PRDM16: variants seen among roughly 807,000 people sequenced by gnomAD.
PRDM16 encodes the protein PR/SET domain 16.
PRDM16 carries 23 observed loss-of-function variants against 110.6 expected under a neutral mutation model. The observed-to-expected ratio is 0.21, with a 90% CI of 0.15 to 0.29. PRDM16 has a LOEUF of 0.29. Among genes scored for constraint, PRDM16 ranks in the 10% least tolerant of loss-of-function variants. PRDM16 has a pLI of 1.00. For synonymous variants in PRDM16, 799 were observed against 781.8 expected (o/e 1.02, Z -0.37); for missense variants, 1,615 against 1,794.3 (o/e 0.90, Z 1.81).
intron 1 of PRDM16, among the ~76,000 whole-genome samples, chr1:3,070,916 G>C (rs1426914412): frequency 2.6e-5 from 4 of 152,224 alleles, no homozygotes; most frequent in East Asian, 1.9e-4. Context: ...CCTCGGCCTC[G>C]GCCTCCCGTG....
chr1:3,235,179 GCT>G lies in PRDM16; in HGVS notation c.388-8905_388-8904del, dbSNP rs752674735. ...GGCCGCCCAGCCGCTCCAGGCCTTGGCTCTTTCATCTTCTAGAACCCAGGCCC... is the reference window on the plus strand; with the variant it reads ...GGCCGCCCAGCCGCTCCAGGCCTTGGCTTTCATCTTCTAGAACCCAGGCCC... On this transcript the variant is annotated intron_variant, in intron 2 of 16. Coordinates refer to ENST00000270722, the MANE Select transcript of PRDM16 (RefSeq NM_022114.4). 4.8e-4 allele frequency among the ~76,000 whole-genome samples: 73 copies of G among 152,346 alleles called. 1 individual carries two copies. The highest frequency in any genetic ancestry group is 1.4e-3 in the African/African-American group (58 of 41,576).
intron 1 of PRDM16, among the ~76,000 whole-genome samples, chr1:3,109,346 A>C (rs1010581309): frequency 1.3e-5 from 2 of 152,058 alleles, no homozygotes; most frequent in Admixed American, 6.6e-5. Context: ...TGATTACTTT[A>C]CCATTCACCA....
At chr1:3,248,334 C>G (rs1395726718) in intron 3 of PRDM16, among the ~76,000 whole-genome samples, 1 of 152,164 alleles carries the variant, frequency 6.6e-6, no homozygotes, top group Non-Finnish European at 1.5e-5. Context: ...TTTCCTTCCC[C>G]CTCTTGAAAA....
chr1:3,096,210 CCTT>C (rs1319052426), intron 1 of PRDM16, among the ~76,000 whole-genome samples: 2 of 152,158 alleles, frequency 1.3e-5, no homozygotes, highest in Non-Finnish European at 2.9e-5. Flanking sequence ...TCCTCTTCCT[CCTT>C]ATCTGCCTTC....
chr1:3,414,137 G>A (rs559220633), intron 9 of PRDM16, among the ~76,000 whole-genome samples: 5 of 152,338 alleles, frequency 3.3e-5, no homozygotes, highest in African/African-American at 1.2e-4. Flanking sequence ...CTTCAGAGTG[G>A]TCCCCACTCA....
Position 3,157,151 on chromosome 1 carries a change from G to A in PRDM16, c.38-28974G>A, listed in dbSNP as rs748602334. ...AGCACCTGCCGGGCTCAGCCTGGGC[G>A]GCTCAGAGGGCGGGACCTGGAGAAG... On this transcript the variant is annotated intron_variant, in intron 1 of 16. Transcript: ENST00000270722. This position sits in a 1 kb window ranked among gnomAD's most constrained non-coding sequence, Gnocchi z 4.8. Among the ~76,000 whole-genome samples the A allele has an allele frequency of 1.3e-5, 2 of 152,178 alleles. No individual in the cohort carries two copies. The highest frequency in any genetic ancestry group is 4.8e-5 in the African/African-American group (2 of 41,450).
At chr1:3,323,626 A>T (rs1369873259) in intron 3 of PRDM16, among the ~76,000 whole-genome samples, 1 of 152,182 alleles carries the variant, frequency 6.6e-6, no homozygotes, top group Admixed American at 6.5e-5. Flanking sequence ...CCCGCCTGGA[A>T]ACCCACGTGT....
intron 3 of PRDM16, among the ~76,000 whole-genome samples, chr1:3,279,479 G>A (rs759574776): frequency 6.6e-6 from 1 of 152,250 alleles, no homozygotes; most frequent in East Asian, 1.9e-4. Flanking sequence ...AGTCTGGGAC[G>A]CCCTGCACGC....
chr1:3,211,830 T>A (rs1312701832), intron 2 of PRDM16, among the ~76,000 whole-genome samples: 1 of 152,204 alleles, frequency 6.6e-6, no homozygotes, highest in African/African-American at 2.4e-5. Flanking sequence ...TGCGTGTGCG[T>A]GCGCGTGCAT....
rs1473989625 is a variant in PRDM16, at chr1:3,437,488, A to T, written c.*3677A>T. 4.3e-6 allele frequency: 1 copy of T among 230,184 alleles called. No homozygotes were observed. Among genetic ancestry groups the T allele is most frequent in the Non-Finnish European group, 8.6e-6 (1 of 116,284 alleles). 14.3% of individuals were successfully genotyped at this position (230,184 alleles called of 1,614,324 possible). ...ACTGTGCTGTCCTAGGGGGAGGGAG[A>T]GCAGAGCTCGCCCCTGCACTGCAGC... On this transcript the variant is annotated 3_prime_UTR_variant, in exon 17 of 17. Transcript: ENST00000270722.
At chr1:3,238,659 C>T (rs542177164) in intron 2 of PRDM16, among the ~76,000 whole-genome samples, 2 of 152,212 alleles carry the variant, frequency 1.3e-5, no homozygotes, top group Admixed American at 6.5e-5. Flanking sequence ...GAGCTGCCAA[C>T]GGGAAGCCGC....
At chr1:3,264,371 C>A (rs1166632996) in intron 3 of PRDM16, among the ~76,000 whole-genome samples, 1 of 149,846 alleles carries the variant, frequency 6.7e-6, no homozygotes, top group Non-Finnish European at 1.5e-5. Context: ...ATCCGAGGAC[C>A]CTGGGCCAGG....
intron 1 of PRDM16, among the ~76,000 whole-genome samples, chr1:3,101,919 C>G (rs1335709484): frequency 6.6e-6 from 1 of 152,236 alleles, no homozygotes; most frequent in Non-Finnish European, 1.5e-5. Flanking sequence ...GGCTGGGGCA[C>G]AGTCTTTGCT....
intron 1 of PRDM16, among the ~76,000 whole-genome samples, chr1:3,097,817 G>T (rs1003680501): frequency 6.6e-6 from 1 of 152,126 alleles, no homozygotes; most frequent in African/African-American, 2.4e-5. Context: ...AGAGATCCCA[G>T]GGGGGCCCAA....
rs1160311868 is a variant in PRDM16 at position 3,382,412 on chromosome 1, A to C, written c.439-2740A>C. Among the ~76,000 whole-genome samples, 1 of 152,154 alleles carries C rather than the reference A, an allele frequency of 6.6e-6. No homozygotes were observed. Among genetic ancestry groups the C allele is most frequent in the Non-Finnish European group, 1.5e-5 (1 of 68,012 alleles). On this transcript the variant is annotated intron_variant, in intron 3 of 16. Coordinates refer to ENST00000270722, the MANE Select transcript of PRDM16 (RefSeq NM_022114.4). This position sits in a 1 kb window ranked among gnomAD's most constrained non-coding sequence, Gnocchi z 6.6. Reference sequence around the variant, plus strand: ...GACCCTTCCTGCAGCCCCTTTAGGGACCAGGACCTCAAATGTCAAGGGATT... The same window carrying C: ...GACCCTTCCTGCAGCCCCTTTAGGGCCCAGGACCTCAAATGTCAAGGGATT...
chr1:3,414,826 G>A (rs1251392990), intron 10 of PRDM16, among the ~76,000 whole-genome samples, 179 bp downstream of exon 10: 1 of 152,108 alleles, frequency 6.6e-6, no homozygotes, highest in Non-Finnish European at 1.5e-5. Context: ...GTCACTGTAG[G>A]CTGGAGAGGT....
intron 1 of PRDM16, among the ~76,000 whole-genome samples, chr1:3,155,696 G>T (rs1643850141): frequency 6.6e-6 from 1 of 152,232 alleles, no homozygotes; most frequent in Non-Finnish European, 1.5e-5. Flanking sequence ...TGCAAAATGT[G>T]CTTGCGTTTG....
intron 1 of PRDM16, among the ~76,000 whole-genome samples, chr1:3,078,332 C>T (rs989236455): frequency 6.6e-6 from 1 of 152,192 alleles, no homozygotes; most frequent in Non-Finnish European, 1.5e-5. Flanking sequence ...CCCGCTGTGG[C>T]GAGTCGGGGC....
At chr1:3,240,565 C>T (rs1639646515) in intron 2 of PRDM16, among the ~76,000 whole-genome samples, 1 of 152,202 alleles carries the variant, frequency 6.6e-6, no homozygotes, top group African/African-American at 2.4e-5. Flanking sequence ...GCTCCGTCCA[C>T]CTCCCGCTGG....
Sources: allele counts gnomAD v4.1 joint callset (sites outside exome capture counted in the v4.1 genomes callset), GRCh38; gene constraint gnomAD v4.1.1; non-coding constraint Gnocchi (gnomAD v3.1); transcripts MANE v1.5; gene names NCBI Gene and HGNC (gene_info 2026-07-23, HGNC 2026-07-21).